The following ZNF385D variants were observed in gnomAD, a reference collection of about 807,000 sequenced individuals.
ZNF385D encodes the protein zinc finger protein 385D.
In ZNF385D, 15 loss-of-function variants were observed where a neutral mutation model predicts 35.8. The ratio of observed to expected loss-of-function variants is 0.42; its 90% confidence interval spans 0.28 to 0.64. The LOEUF is 0.64. ZNF385D is among the 30% of genes least tolerant of loss of function. The pLI is 0.23. For synonymous variants in ZNF385D, 212 were observed against 186.8 expected (o/e 1.13, Z -1.10); for missense variants, 474 against 494.6 (o/e 0.96, Z 0.39).
At chr3:22,294,619 G>C (rs1355820418) in intron 2 of ZNF385D, among the ~76,000 whole-genome samples, 1 of 152,018 alleles carries the variant, frequency 6.6e-6, no homozygotes, top group Non-Finnish European at 1.5e-5. Context: ...AATTCAGAGT[G>C]AAAGAGACCA....
At chr3:22,265,669 T>C (rs1365047789) in intron 2 of ZNF385D, among the ~76,000 whole-genome samples, 1 of 151,950 alleles carries the variant, frequency 6.6e-6, no homozygotes, top group Non-Finnish European at 1.5e-5. Flanking sequence ...GAATTTTGGA[T>C]ATGAGAGGAA....
chr3:21,707,786 C>G (rs2067962045), intron 1 of ZNF385D, among the ~76,000 whole-genome samples: 1 of 152,134 alleles, frequency 6.6e-6, no homozygotes, highest in African/African-American at 2.4e-5. Context: ...AATATCTATT[C>G]CCTTGATCGG....
chr3:22,147,927 A>G (rs1704965372), intron 3 of ZNF385D, among the ~76,000 whole-genome samples: 1 of 152,110 alleles, frequency 6.6e-6, no homozygotes, highest in African/African-American at 2.4e-5. Context: ...TCCAATACAG[A>G]AAAAAAGTCG....
At chr3:21,587,702 C>G (rs546664229) in intron 2 of ZNF385D, among the ~76,000 whole-genome samples, 1 of 151,738 alleles carries the variant, frequency 6.6e-6, no homozygotes, top group African/African-American at 2.4e-5. Context: ...TAACTGAAGA[C>G]ATAAGAGTGA....
chr3:21,481,088 C>G (rs957233271), intron 4 of ZNF385D, among the ~76,000 whole-genome samples: 12 of 152,260 alleles, frequency 7.9e-5, no homozygotes, highest in African/African-American at 2.9e-4. Context: ...AAGACACTGG[C>G]TGAGCAATCG....
intron 1 of ZNF385D, among the ~76,000 whole-genome samples, chr3:21,740,045 G>A (rs1490109254): frequency 6.6e-6 from 1 of 152,154 alleles, no homozygotes; most frequent in Non-Finnish European, 1.5e-5. Flanking sequence ...AAACTAGAGT[G>A]ACCAGTTCAT....
chr3:21,633,296 A>C (rs982040177), intron 2 of ZNF385D, among the ~76,000 whole-genome samples: 1 of 152,118 alleles, frequency 6.6e-6, no homozygotes, highest in African/African-American at 2.4e-5. Context: ...TGGATTATAC[A>C]AGCCAAATTA....
At chr3:21,446,895 A>G (rs920865968) in intron 4 of ZNF385D, among the ~76,000 whole-genome samples, 3 of 152,192 alleles carry the variant, frequency 2.0e-5, no homozygotes, top group Admixed American at 2.0e-4. Context: ...GTGGGAACCT[A>G]AATAACCTTC....
intron 3 of ZNF385D, among the ~76,000 whole-genome samples, chr3:21,980,963 G>C (rs1694407600): frequency 6.6e-6 from 1 of 151,986 alleles, no homozygotes; most frequent in African/African-American, 2.4e-5. Context: ...TATCCAATCT[G>C]TCTTTAGTAG....
At chr3:22,333,731 A>G (rs1380494917) in intron 2 of ZNF385D, among the ~76,000 whole-genome samples, 2 of 152,134 alleles carry the variant, frequency 1.3e-5, no homozygotes, top group African/African-American at 4.8e-5. Context: ...CTGCACTGAA[A>G]GGAGACTATT....
chr3:22,355,184 A>G (rs928169393), intron 2 of ZNF385D, among the ~76,000 whole-genome samples: 3 of 152,034 alleles, frequency 2.0e-5, no homozygotes, highest in Admixed American at 6.6e-5. Flanking sequence ...ATCAACTTGC[A>G]AAGAAAGTTG....
intron 2 of ZNF385D, among the ~76,000 whole-genome samples, chr3:22,362,266 T>G (rs1696445459): frequency 6.6e-6 from 1 of 151,804 alleles, no homozygotes; most frequent in African/African-American, 2.4e-5. Flanking sequence ...GTATCATCTC[T>G]TCAGATTAAC....
intron 2 of ZNF385D, among the ~76,000 whole-genome samples, chr3:22,369,798 T>G (rs1369944962): frequency 6.6e-6 from 1 of 152,164 alleles, no homozygotes; most frequent in Non-Finnish European, 1.5e-5. Flanking sequence ...TTACTCCTAC[T>G]TTTAAAACCT....
chr3:21,606,467 C>G (rs1055032563), intron 2 of ZNF385D, among the ~76,000 whole-genome samples: 5 of 152,168 alleles, frequency 3.3e-5, no homozygotes, highest in Admixed American at 3.3e-4. Flanking sequence ...CAAAATGGAA[C>G]ACCATTAATA....
intron 3 of ZNF385D, among the ~76,000 whole-genome samples, chr3:22,004,321 A>G (rs988836564): frequency 6.6e-6 from 1 of 152,192 alleles, no homozygotes; most frequent in Non-Finnish European, 1.5e-5. Flanking sequence ...ACTCAATACT[A>G]TAAAATTAGA....
At chr3:21,751,742 G>A (rs2070098501), upstream of ZNF385D, among the ~76,000 whole-genome samples, 3 of 152,106 alleles carry the variant, frequency 2.0e-5, no homozygotes, top group Admixed American at 6.5e-5. Flanking sequence ...ACTTGGTGAA[G>A]TGTAATTTTT....
intron 2 of ZNF385D, among the ~76,000 whole-genome samples, chr3:22,197,968 T>G (rs956647687): frequency 6.6e-6 from 1 of 152,098 alleles, no homozygotes; most frequent in Non-Finnish European, 1.5e-5. Flanking sequence ...TACAACCACT[T>G]TGTCATAGTT....
chr3:22,121,904 T>C (rs146055805), intron 3 of ZNF385D, among the ~76,000 whole-genome samples: 2 of 152,202 alleles, frequency 1.3e-5, no homozygotes, highest in African/African-American at 4.8e-5. Context: ...TATCTATGTG[T>C]CTTAGAAGTT....
intron 3 of ZNF385D, among the ~76,000 whole-genome samples, chr3:21,761,634 T>G (rs921403778): frequency 1.3e-5 from 2 of 152,048 alleles, no homozygotes; most frequent in African/African-American, 2.4e-5. Context: ...TATATATCTA[T>G]AGAGAGGATA....
Sources: gnomAD v4.1 joint callset for allele counts (sites outside exome capture counted in the v4.1 genomes callset) on GRCh38, gnomAD v4.1.1 for gene constraint, MANE v1.5 for transcripts, NCBI Gene and HGNC (gene_info 2026-07-23, HGNC 2026-07-21) for gene names.